Variants in GABRA2 observed in about 807,000 individuals in gnomAD.
GABRA2 encodes the protein gamma-aminobutyric acid receptor subunit alpha-2.
A neutral mutation model predicts 48.7 loss-of-function variants in GABRA2; 16 were observed. The observed-to-expected ratio is 0.33, with a 90% CI of 0.22 to 0.50. The LOEUF is 0.50. GABRA2 is among the 20% of genes least tolerant of loss of function. The probability of loss-of-function intolerance (pLI) is 0.98; values close to 1 mark genes in which losing one functional copy is unlikely to be tolerated. For missense variants in GABRA2, 275 were observed against 535.6 expected, an observed-to-expected ratio of 0.51 and a Z score of 4.80; for synonymous variants, 185 against 184.5, an observed-to-expected ratio of 1.00 and a Z score of -0.02.
rs1212468346 is a variant in GABRA2, at chr4:46,245,028, T to C, written c.*5280A>G. Among the ~76,000 whole-genome samples the C allele has an allele frequency of 3.3e-5, 5 of 151,352 alleles. No individual in the cohort carries two copies. Among genetic ancestry groups the C allele is most frequent in the African/African-American group, 1.2e-4 (5 of 41,368 alleles). On this transcript the variant is annotated 3_prime_UTR_variant, in exon 10 of 10. Coordinates refer to ENST00000381620, the MANE Select transcript of GABRA2 (RefSeq NM_000807.4). ...CACAGGTTTTTGGTTTTTTTGTTGT[T>C]TTTTGTTTTTTTGTTTGTTTGTTTC...
chr4:46,293,708 A>T (rs1356324971), intron 8 of GABRA2, among the ~76,000 whole-genome samples: 1 of 152,218 alleles, frequency 6.6e-6, no homozygotes, highest in Non-Finnish European at 1.5e-5. Flanking sequence ...GACGAAATGT[A>T]AGCCATTAGA....
intron 3 of GABRA2, among the ~76,000 whole-genome samples, chr4:46,348,419 T>C (rs1212410405): frequency 6.6e-6 from 1 of 152,014 alleles, no homozygotes; most frequent in African/African-American, 2.4e-5. Context: ...GCCATCCCAT[T>C]ACTGGGCATA....
rs1221523758 is a variant in GABRA2 at position 46,247,980 on chromosome 4, T to C, written c.*2328A>G. Among the ~76,000 whole-genome samples the C allele has an allele frequency of 6.6e-6, 1 of 151,248 alleles. No homozygotes were observed. Among genetic ancestry groups the C allele is most frequent in the East Asian group, 2.0e-4 (1 of 5,102 alleles). On this transcript the variant is annotated 3_prime_UTR_variant, in exon 10 of 10. Coordinates refer to ENST00000381620, the MANE Select transcript of GABRA2 (RefSeq NM_000807.4). Reference sequence around the variant, plus strand: ...TGCACTCAAATAAAATTTTACCACATGAAATTTAAAATAAGAATAACAGTG... The same window carrying C: ...TGCACTCAAATAAAATTTTACCACACGAAATTTAAAATAAGAATAACAGTG...
chr4:46,309,829 TTC>T (rs1377055588), intron 6 of GABRA2, among the ~76,000 whole-genome samples: 2 of 152,160 alleles, frequency 1.3e-5, no homozygotes, highest in African/African-American at 4.8e-5. Context: ...TTCCAATTCA[TTC>T]TTAGTTGATG....
intron 3 of GABRA2, among the ~76,000 whole-genome samples, chr4:46,349,815 C>A (rs1734815048): frequency 6.6e-6 from 1 of 151,802 alleles, no homozygotes; most frequent in Admixed American, 6.6e-5. Context: ...ATGAAATCTA[C>A]TAAAGTGATT....
At chr4:46,322,613 G>T (rs279847) in intron 4 of GABRA2, among the ~76,000 whole-genome samples, 73,276 of 151,752 alleles carry the variant, frequency 0.48, 18,309 homozygotes, top group African/African-American at 0.61. Context: ...ACAACTTTTA[G>T]TCCACACTGA....
chr4:46,367,524 C>T (rs1714227856), intron 3 of GABRA2: 1 of 152,022 alleles, frequency 6.6e-6, no homozygotes, highest in East Asian at 1.9e-4. Flanking sequence ...GGAACTATGC[C>T]TTCACAGCAC....
At chr4:46,346,208 T>C (rs1415417282) in intron 3 of GABRA2, among the ~76,000 whole-genome samples, 1 of 151,972 alleles carries the variant, frequency 6.6e-6, no homozygotes, top group African/African-American at 2.4e-5. Context: ...TAGTGTTCTC[T>C]AGTAAAAGTT....
Position 46,317,529 on chromosome 4 carries a change from G to A in GABRA2, c.256-4813C>T, listed in dbSNP as rs147251922. Among the ~76,000 whole-genome samples, 842 of 151,850 alleles carry A rather than the reference G, an allele frequency of 5.5e-3. 4 individuals are homozygous for A. The highest frequency in any genetic ancestry group is 0.019 in the African/African-American group (795 of 41,478). On this transcript the variant is annotated intron_variant, in intron 4 of 9. Transcript: ENST00000381620. Reference sequence around the variant, plus strand: ...AGAAGGCACAACAGCAGGAAATGGGGTAGTGAATGCATTTGTCATCAGTGT... The same window carrying A: ...AGAAGGCACAACAGCAGGAAATGGGATAGTGAATGCATTTGTCATCAGTGT...
intron 4 of GABRA2, among the ~76,000 whole-genome samples, chr4:46,326,787 C>T (rs916559958): frequency 1.3e-5 from 2 of 151,916 alleles, no homozygotes; most frequent in Non-Finnish European, 2.9e-5. Flanking sequence ...AGATCTATGC[C>T]TGCTACCTAG....
chr4:46,374,638 T>C (rs150480649), intron 3 of GABRA2, among the ~76,000 whole-genome samples: 31 of 152,246 alleles, frequency 2.0e-4, no homozygotes, highest in African/African-American at 7.5e-4. Flanking sequence ...GAAATATCCA[T>C]AAAGTTATTA....
At chr4:46,340,149 A>G (rs977451595) in intron 3 of GABRA2, among the ~76,000 whole-genome samples, 5 of 151,778 alleles carry the variant, frequency 3.3e-5, no homozygotes, top group Admixed American at 1.3e-4. Context: ...AGCTACCATC[A>G]TCTGTCTCTG....
chr4:46,258,569 C>A (rs1175215843), intron 9 of GABRA2, among the ~76,000 whole-genome samples: 1 of 151,774 alleles, frequency 6.6e-6, no homozygotes, highest in African/African-American at 2.4e-5. Context: ...GCAGAATTGA[C>A]TGTCTTTAGG....
intron 3 of GABRA2, among the ~76,000 whole-genome samples, chr4:46,351,402 G>A (rs1360556826): frequency 6.6e-6 from 1 of 151,964 alleles, no homozygotes; most frequent in African/African-American, 2.4e-5. Context: ...GCTACACCTA[G>A]ATCTGATCAT....
chr4:46,358,870 CT>C (rs1712664611), intron 3 of GABRA2, among the ~76,000 whole-genome samples: 1 of 152,180 alleles, frequency 6.6e-6, no homozygotes, highest in Admixed American at 6.5e-5. Flanking sequence ...GACTAACCAT[CT>C]GTGATCAAGC....
At chr4:46,348,622 G>A (rs1734576375) in intron 3 of GABRA2, among the ~76,000 whole-genome samples, 1 of 151,898 alleles carries the variant, frequency 6.6e-6, no homozygotes, top group South Asian at 2.1e-4. Flanking sequence ...CATGTCCTTT[G>A]TAGGGACATG....
chr4:46,305,377 G>A (rs279870), intron 7 of GABRA2, among the ~76,000 whole-genome samples, 191 bp downstream of exon 7: 75,605 of 149,772 alleles, frequency 0.5, 20,253 homozygotes, highest in African/African-American at 0.69. Context: ...ACTAACCTGC[G>A]CATTGTGCAC....
At chr4:46,297,473 T>C (rs1724936460) in intron 8 of GABRA2, among the ~76,000 whole-genome samples, 1 of 48,842 alleles carries the variant, frequency 2.0e-5, no homozygotes, top group African/African-American at 8.9e-5. Context: ...CTTAATAAAA[T>C]CCCATATATA....
At chr4:46,381,323 C>A (rs912882722) in intron 3 of GABRA2, among the ~76,000 whole-genome samples, 1 of 152,096 alleles carries the variant, frequency 6.6e-6, no homozygotes, top group African/African-American at 2.4e-5. Context: ...ATGGGAGATA[C>A]CCCGACTTGT....
Sources: allele counts gnomAD v4.1 joint callset (sites outside exome capture counted in the v4.1 genomes callset), GRCh38; gene constraint gnomAD v4.1.1; transcripts MANE v1.5; gene names NCBI Gene and HGNC (gene_info 2026-07-23, HGNC 2026-07-21).